SLC22A14: variants seen among roughly 807,000 people sequenced by gnomAD.
SLC22A14 encodes solute carrier family 22 member 14.
SLC22A14 carries 50 observed loss-of-function variants against 53.9 expected under a neutral mutation model. The observed-to-expected ratio is 0.93, with a 90% CI of 0.74 to 1.17. The LOEUF is 1.17. Ranked by LOEUF, SLC22A14 falls within the 50% of genes most tolerant of loss-of-function variation. The pLI is 0.00. For synonymous variants in SLC22A14, 312 were observed against 303.0 expected (o/e 1.03, Z -0.31); for missense variants, 671 against 734.7 (o/e 0.91, Z 1.00).
intron 1 of SLC22A14, among the ~76,000 whole-genome samples, chr3:38,286,951 G>A (rs1235202718): frequency 6.6e-6 from 1 of 151,890 alleles, no homozygotes; most frequent in East Asian, 1.9e-4. Flanking sequence ...TGGCCAGGCT[G>A]GTCTTGAACT....
chr3:38,304,527 A>G (rs1368502988), intron 1 of SLC22A14, among the ~76,000 whole-genome samples: 1 of 151,992 alleles, frequency 6.6e-6, no homozygotes, highest in African/African-American at 2.4e-5. Context: ...AGCTGAGACT[A>G]CAGGCACATG....
intron 10 of SLC22A14, among the ~76,000 whole-genome samples, chr3:38,316,828 G>T (rs1704636829): frequency 6.6e-6 from 1 of 152,140 alleles, no homozygotes; most frequent in Non-Finnish European, 1.5e-5. Flanking sequence ...CCCTCCAGGG[G>T]CACTCCTCCC....
Position 38,312,981 on chromosome 3 carries a change from G to A in SLC22A14, c.945-18G>A. 1 of 1,572,424 alleles carries A rather than the reference G, an allele frequency of 6.4e-7. No homozygotes were observed. The highest frequency in any genetic ancestry group is 8.6e-7 in the Non-Finnish European group (1 of 1,158,726). ...GGCATCATAGAACGGTGAGATAAGA[G>A]AGGGGCTGGCCACGCAGGATTCTCC... On this transcript the variant is annotated intron_variant, in intron 5 of 10. Coordinates refer to ENST00000448498, the MANE Select transcript of SLC22A14 (RefSeq NM_001320033.2).
intron 8 of SLC22A14, among the ~76,000 whole-genome samples, chr3:38,314,227 C>T (rs1027658141): frequency 5.3e-5 from 8 of 152,204 alleles, no homozygotes; most frequent in African/African-American, 1.2e-4. Context: ...GATTCCAATC[C>T]ACCTTAGAAG....
At chr3:38,315,847 T>C (rs997187402) in intron 9 of SLC22A14, 136 bp downstream of exon 9, 2 of 921,836 alleles carry the variant, frequency 2.2e-6, no homozygotes, top group African/African-American at 3.3e-5. Context: ...GTGATCTCAT[T>C]TAAACACCAC....
At chr3:38,296,604 G>A (rs1302178747) in intron 1 of SLC22A14, among the ~76,000 whole-genome samples, 2 of 152,166 alleles carry the variant, frequency 1.3e-5, no homozygotes, top group Non-Finnish European at 2.9e-5. Context: ...CTTCCAAGAT[G>A]GTGGCGGGCT....
chr3:38,306,072 G>T lies in SLC22A14; in HGVS notation c.46G>T (p.Ala16Ser), dbSNP rs116278573. Residue 16 changes from alanine to serine, a missense_variant, in exon 2 of 11, where the codon GCT (alanine) becomes TCT (serine). Transcript: ENST00000448498. ...NFKEELRSQDASRNLNQHEVA... is the reference protein window; with the variant it reads ...NFKEELRSQDSSRNLNQHEVA... ...CAAGGAAGAGCTCAGATCCCAGGATGCTTCCAGGAACTTGAACCAGCATGA... is the reference window on the plus strand; with the variant it reads ...CAAGGAAGAGCTCAGATCCCAGGATTCTTCCAGGAACTTGAACCAGCATGA... The T allele has an allele frequency of 6.2e-7, 1 of 1,613,990 alleles. No individual in the cohort carries two copies. The highest frequency in any genetic ancestry group is 1.3e-5 in the African/African-American group (1 of 75,038).
intron 2 of SLC22A14, 85 bp downstream of exon 2, chr3:38,306,627 A>T (rs1704314282): frequency 7.4e-7 from 1 of 1,344,044 alleles, no homozygotes; most frequent in Non-Finnish European, 1.0e-6. Flanking sequence ...GGGGAAACCG[A>T]AGCTCAGAGA....
intron 10 of SLC22A14, 133 bp downstream of exon 10, chr3:38,316,657 G>A (rs1182491048): frequency 3.4e-5 from 26 of 771,692 alleles, no homozygotes; most frequent in Admixed American, 1.5e-4. Context: ...TGCCATGTCC[G>A]CAGCAGTCTC....
chr3:38,316,553 C>T, intron 10 of SLC22A14, 29 bp downstream of exon 10: 4 of 1,598,242 alleles, frequency 2.5e-6, no homozygotes, highest in Non-Finnish European at 3.4e-6. Context: ...TGGGCTGTGC[C>T]AGCACGGGGC....
At chr3:38,318,136 G>A (rs1704671410) in intron 10 of SLC22A14, 62 bp from the exon 11 acceptor site, 15 of 1,509,540 alleles carry the variant, frequency 9.9e-6, no homozygotes, top group East Asian at 2.3e-5. Flanking sequence ...GGCACAAGCC[G>A]CTGCTTTTCT....
At chr3:38,318,137 C>G in intron 10 of SLC22A14, 61 bp from the exon 11 acceptor site, 1 of 1,524,310 alleles carries the variant, frequency 6.6e-7, no homozygotes, top group African/African-American at 1.4e-5. Context: ...GCACAAGCCG[C>G]TGCTTTTCTC....
chr3:38,318,359 G>A lies in SLC22A14; in HGVS notation c.*110G>A, dbSNP rs565396888. On this transcript the variant is annotated 3_prime_UTR_variant, in exon 11 of 11. Transcript: ENST00000448498. Reference sequence around the variant, plus strand: ...CAATAAAGAGGAAGCAAACAGCCAGGCTCCCTGAGGGCCAGGCCCCCAGAC... The same window carrying A: ...CAATAAAGAGGAAGCAAACAGCCAGACTCCCTGAGGGCCAGGCCCCCAGAC... 5.7e-6 allele frequency: 6 copies of A among 1,051,004 alleles called. No homozygotes were observed. The South Asian group carries it at 7.8e-5, about 14-fold the overall frequency. 65.1% of individuals were successfully genotyped at this position (1,051,004 alleles called of 1,614,324 possible).
chr3:38,299,929 T>G (rs1034579453), intron 1 of SLC22A14, among the ~76,000 whole-genome samples: 37 of 152,274 alleles, frequency 2.4e-4, no homozygotes, highest in African/African-American at 8.7e-4. Flanking sequence ...GATATTTAGG[T>G]TTTTTCCCAA....
intron 1 of SLC22A14, among the ~76,000 whole-genome samples, chr3:38,294,255 G>A (rs185582814): frequency 2.0e-5 from 3 of 152,242 alleles, no homozygotes; most frequent in African/African-American, 7.2e-5. Flanking sequence ...AGGGCTTCCT[G>A]TAGGGCATAA....
chr3:38,299,047 G>A (rs1000651877), intron 1 of SLC22A14, among the ~76,000 whole-genome samples: 1 of 152,166 alleles, frequency 6.6e-6, no homozygotes, highest in Non-Finnish European at 1.5e-5. Flanking sequence ...TTTACAATAT[G>A]TAGTTGATAT....
chr3:38,316,630 G>C, intron 10 of SLC22A14, 106 bp downstream of exon 10: 1 of 1,021,612 alleles, frequency 9.8e-7, no homozygotes. Flanking sequence ...CTGCCGGAGA[G>C]CCTGTGACTC....
At chr3:38,299,100 CTCT>C (rs1219029633) in intron 1 of SLC22A14, among the ~76,000 whole-genome samples, 1 of 152,178 alleles carries the variant, frequency 6.6e-6, no homozygotes, top group Non-Finnish European at 1.5e-5. Context: ...CTTCCCCATC[CTCT>C]TCAATGCAGT....
chr3:38,313,650 C>A, intron 7 of SLC22A14, 77 bp from the exon 8 acceptor site: 2 of 854,760 alleles, frequency 2.3e-6, no homozygotes, highest in Non-Finnish European at 1.8e-6. Context: ...ACCCTTGCTG[C>A]TCTGCCTCTG....
Sources: allele counts gnomAD v4.1 joint callset (sites outside exome capture counted in the v4.1 genomes callset), GRCh38; gene constraint gnomAD v4.1.1; transcripts MANE v1.5; gene names NCBI Gene and HGNC (gene_info 2026-07-23, HGNC 2026-07-21).